Variants in PDE8A observed in about 807,000 individuals in gnomAD.
PDE8A encodes the protein phosphodiesterase 8A.
PDE8A carries 59 observed loss-of-function variants against 105.0 expected under a neutral mutation model. The observed-to-expected ratio is 0.56, with a 90% CI of 0.46 to 0.70. The LOEUF (loss-of-function observed/expected upper bound fraction) is 0.70, where lower values mean the gene tolerates loss of function less well. Among genes scored for constraint, PDE8A ranks in the 30% least tolerant of loss-of-function variants. PDE8A has a pLI of 0.00. For missense variants in PDE8A, 1,014 were observed against 1,045.9 expected, an observed-to-expected ratio of 0.97 and a Z score of 0.42; for synonymous variants, 355 against 371.9, an observed-to-expected ratio of 0.95 and a Z score of 0.52.
chr15:85,013,570 G>C (rs1314923315), intron 1 of PDE8A, among the ~76,000 whole-genome samples: 1 of 152,124 alleles, frequency 6.6e-6, no homozygotes, highest in East Asian at 1.9e-4. Flanking sequence ...ACTCAACTTA[G>C]TATTTTGAAA....
At chr15:85,055,164 G>C (rs547256153) in intron 1 of PDE8A, among the ~76,000 whole-genome samples, 1 of 152,302 alleles carries the variant, frequency 6.6e-6, no homozygotes, top group Non-Finnish European at 1.5e-5. Context: ...TGACTGCACT[G>C]TGGTCTGAGA....
chr15:85,088,816 G>A (rs2081594548), intron 6 of PDE8A, among the ~76,000 whole-genome samples: 2 of 152,216 alleles, frequency 1.3e-5, no homozygotes, highest in African/African-American at 4.8e-5. Context: ...CACGAAGGAT[G>A]TGAGAAAATG....
At chr15:84,995,861 G>T (rs2079967315) in intron 1 of PDE8A, among the ~76,000 whole-genome samples, 1 of 152,182 alleles carries the variant, frequency 6.6e-6, no homozygotes, top group African/African-American at 2.4e-5. Context: ...ATTTCATAAG[G>T]AGCATGTGAG....
chr15:85,111,304 C>A (rs1417465174), intron 12 of PDE8A, among the ~76,000 whole-genome samples: 1 of 152,102 alleles, frequency 6.6e-6, no homozygotes, highest in Non-Finnish European at 1.5e-5. Context: ...ATCCCAAGAT[C>A]GTGAAAATAT....
chr15:85,124,639 G>T (rs2082232079), intron 19 of PDE8A, among the ~76,000 whole-genome samples: 1 of 152,170 alleles, frequency 6.6e-6, no homozygotes, highest in African/African-American at 2.4e-5. Flanking sequence ...ACCTGATGTT[G>T]AGAACTGTTT....
At chr15:85,126,178 G>C in intron 19 of PDE8A, 29 bp from the exon 20 acceptor site, 1 of 1,567,014 alleles carries the variant, frequency 6.4e-7, no homozygotes, top group Non-Finnish European at 8.7e-7. Context: ...GATCCATTTT[G>C]ATTGCTTTGA....
chr15:85,025,573 G>T (rs2080502654), intron 1 of PDE8A, among the ~76,000 whole-genome samples: 1 of 152,164 alleles, frequency 6.6e-6, no homozygotes. Flanking sequence ...TACCAGAAAT[G>T]CTTCTTATCA....
At chr15:85,075,302 G>A (rs1310781700) in intron 3 of PDE8A, among the ~76,000 whole-genome samples, 1 of 152,140 alleles carries the variant, frequency 6.6e-6, no homozygotes, top group Non-Finnish European at 1.5e-5. Context: ...CTTTTCATGA[G>A]GTGTTGATGC....
intron 1 of PDE8A, among the ~76,000 whole-genome samples, chr15:85,050,355 G>C (rs2080953809): frequency 6.6e-6 from 1 of 152,042 alleles, no homozygotes; most frequent in Non-Finnish European, 1.5e-5. Flanking sequence ...TTTGCTGCCT[G>C]TGCCATTGAT....
chr15:85,124,973 G>C (rs1265452202), intron 19 of PDE8A, among the ~76,000 whole-genome samples: 1 of 152,212 alleles, frequency 6.6e-6, no homozygotes, highest in Non-Finnish European at 1.5e-5. Flanking sequence ...AATATCCAGT[G>C]GGTCAGAGCA....
chr15:85,100,429 A>G (rs2081842705), intron 11 of PDE8A, among the ~76,000 whole-genome samples: 1 of 152,208 alleles, frequency 6.6e-6, no homozygotes, highest in African/African-American at 2.4e-5. Context: ...CTGCGAGGGA[A>G]AGAAATGGTC....
At chr15:85,113,162 G>A (rs1398824010) in intron 12 of PDE8A, among the ~76,000 whole-genome samples, 3 of 152,164 alleles carry the variant, frequency 2.0e-5, no homozygotes, top group Non-Finnish European at 4.4e-5. Context: ...CAGAAGTTCA[G>A]TCCATGGGGG....
intron 1 of PDE8A, among the ~76,000 whole-genome samples, chr15:85,015,562 T>C (rs1446942129): frequency 1.3e-5 from 2 of 152,206 alleles, no homozygotes; most frequent in African/African-American, 4.8e-5. Context: ...TCTGAATTTT[T>C]ACCAGCAGTG....
chr15:85,122,439 G>A lies in PDE8A; in HGVS notation c.1953-622G>A, dbSNP rs535897377. Among the ~76,000 whole-genome samples the A allele has an allele frequency of 2.0e-5, 3 of 152,252 alleles. No individual in the cohort carries two copies. The South Asian group carries it at 6.2e-4, about 32-fold the overall frequency. On this transcript the variant is annotated intron_variant, in intron 18 of 21. Coordinates refer to ENST00000394553, the MANE Select transcript of PDE8A (RefSeq NM_002605.3). ...TGCCATGTTCTAGGATTTCAGAGGT[G>A]GAGTTAAAGTAGTTTCTATTCATAT...
intron 1 of PDE8A, among the ~76,000 whole-genome samples, chr15:85,031,915 T>C (rs995080164): frequency 1.3e-5 from 2 of 152,206 alleles, no homozygotes; most frequent in African/African-American, 4.8e-5. Flanking sequence ...ACCTGCAGGT[T>C]ACCCTCAGAC....
chr15:85,081,886 A>G (rs1366133355), intron 5 of PDE8A, among the ~76,000 whole-genome samples: 2 of 152,146 alleles, frequency 1.3e-5, no homozygotes, highest in Non-Finnish European at 2.9e-5. Context: ...GACCAATTAA[A>G]AAGTCTGATT....
chr15:85,018,579 C>A (rs1448732938), intron 1 of PDE8A, among the ~76,000 whole-genome samples: 3 of 152,050 alleles, frequency 2.0e-5, no homozygotes, highest in Non-Finnish European at 4.4e-5. Flanking sequence ...AGTAACATTG[C>A]CATGAAATGC....
intron 6 of PDE8A, among the ~76,000 whole-genome samples, chr15:85,085,684 A>T (rs1049630879): frequency 6.7e-6 from 1 of 150,218 alleles, no homozygotes; most frequent in Non-Finnish European, 1.5e-5. Flanking sequence ...TCAAAAAAAA[A>T]AAAAACAGAC....
At chr15:85,136,267 G>A (rs2082407866) in intron 20 of PDE8A, among the ~76,000 whole-genome samples, 1 of 152,226 alleles carries the variant, frequency 6.6e-6, no homozygotes, top group Non-Finnish European at 1.5e-5. Flanking sequence ...GATCTTACCT[G>A]AAGAGCTTCT....
Sources: allele counts gnomAD v4.1 joint callset (sites outside exome capture counted in the v4.1 genomes callset), GRCh38; gene constraint gnomAD v4.1.1; transcripts MANE v1.5; gene names NCBI Gene and HGNC (gene_info 2026-07-23, HGNC 2026-07-21).